The following NLGN3 variants were observed in gnomAD, a reference collection of about 807,000 sequenced individuals.
NLGN3 encodes neuroligin-3.
A neutral mutation model predicts 42.9 loss-of-function variants in NLGN3; 11 were observed. That is an observed-to-expected ratio of 0.26 (90% confidence interval 0.16 to 0.42). The LOEUF (loss-of-function observed/expected upper bound fraction) is 0.42, where lower values mean the gene tolerates loss of function less well. Among genes scored for constraint, NLGN3 ranks in the 10% least tolerant of loss-of-function variants. NLGN3 has a pLI of 1.00. For missense variants in NLGN3, 374 were observed against 733.8 expected (o/e 0.51, Z 5.67); for synonymous variants, 279 against 312.7 (o/e 0.89, Z 1.14).
chrX:71,154,062 G>C (rs771768293), intron 4 of NLGN3, among the ~76,000 whole-genome samples: 63 of 112,213 alleles, frequency 5.6e-4, no homozygotes, highest in African/African-American at 2.0e-3. Context: ...TTCTAGAAAA[G>C]AGAGAGATGG....
downstream of NLGN3, among the ~76,000 whole-genome samples, chrX:71,172,399 C>T (rs569243423): frequency 9.0e-6 from 1 of 110,894 alleles, no homozygotes; most frequent in Middle Eastern, 4.7e-3. Flanking sequence ...CCAGAAAAGC[C>T]CGTCACAGTT....
At chrX:71,162,415 C>T (rs1285774886) in intron 5 of NLGN3, among the ~76,000 whole-genome samples, 2 of 111,822 alleles carry the variant, frequency 1.8e-5, no homozygotes, top group Non-Finnish European at 3.8e-5. Context: ...CAGGTGTGAG[C>T]CACCATGCCT....
In NLGN3 at chrX:71,170,265, G is replaced by T; in HGVS notation, c.*168G>T. On this transcript the variant is annotated 3_prime_UTR_variant, in exon 8 of 8. Transcript: ENST00000358741. ...CACCTGCACAAACATAGACAGATGT[G>T]GACATGCACCCGCATGTACAAAAAC... The T allele has an allele frequency of 1.8e-6, 2 of 1,132,415 alleles. No individual in the cohort carries two copies. Among genetic ancestry groups the T allele is most frequent in the Non-Finnish European group, 2.3e-6 (2 of 859,700 alleles). The allele number at this position is 1,132,415 out of a possible 1,213,427, so 93.3% of individuals were successfully genotyped here.
At position 71,169,884 on chromosome X, in the gene NLGN3, T is replaced by TC. The variant is rs760052938; in HGVS notation, c.2341dup (p.His781ProfsTer2). The TC allele has an allele frequency of 8.4e-7, 1 of 1,196,753 alleles. No homozygotes were observed. Among genetic ancestry groups the TC allele is most frequent in the Admixed American group, 2.3e-5 (1 of 44,206 alleles). On this transcript the variant is annotated frameshift_variant, in exon 8 of 8. Coordinates refer to ENST00000358741, the MANE Select transcript of NLGN3 (RefSeq NM_181303.2). LOFTEE classifies it high-confidence loss of function. Reference sequence around the variant, plus strand: ...CCACCCACCACGAGTGTGAGGCCGGTCCCCCCCATGACACGCTGCGCCTCA... The same window carrying TC: ...CCACCCACCACGAGTGTGAGGCCGGTCCCCCCCCATGACACGCTGCGCCTCA...
At chrX:71,166,185 G>A (rs2092446407) in intron 6 of NLGN3, among the ~76,000 whole-genome samples, 2 of 110,821 alleles carry the variant, frequency 1.8e-5, no homozygotes, top group African/African-American at 3.3e-5. Context: ...TGCCAGGCGC[G>A]GTGGCTCACG....
rs760762087 is a variant in NLGN3 at position 71,161,094 on chromosome X, C to A, written c.728-3049C>A. Among the ~76,000 whole-genome samples, 5 of 104,203 alleles carry A rather than the reference C, an allele frequency of 4.8e-5. No individual in the cohort carries two copies. The Admixed American group carries it at 5.4e-4, about 11-fold the overall frequency. The allele number at this position is 104,203 out of a possible 115,157, so 90.5% of individuals were successfully genotyped here. A position where few individuals can be genotyped will look rare whatever the true frequency, so the allele number is the denominator to read the frequency against. On this transcript the variant is annotated intron_variant, in intron 5 of 7. Transcript: ENST00000358741. ...CCTGAGCCTGTTGGAGATAGCATTTCTTTTTTCTTTTCTTTTCTTTCTTTT... is the reference window on the plus strand; with the variant it reads ...CCTGAGCCTGTTGGAGATAGCATTTATTTTTTCTTTTCTTTTCTTTCTTTT...
At position 71,167,818 on chromosome X, in the gene NLGN3, T is replaced by G. The variant is rs1172866618; in HGVS notation, c.1703+18T>G. ...AAGACTGGGTAAGGAGAAAATAGGG[T>G]TTTTTTCCTCTTTGAGACCCCAGCA... On this transcript the variant is annotated intron_variant, in intron 7 of 7. Coordinates refer to ENST00000358741, the MANE Select transcript of NLGN3 (RefSeq NM_181303.2). The G allele has an allele frequency of 3.4e-6, 4 of 1,187,916 alleles. No homozygotes were observed. Among genetic ancestry groups the G allele is most frequent in the South Asian group, 3.5e-5 (2 of 56,389 alleles).
rs370863612 is a variant in NLGN3 at position 71,169,499 on chromosome X, C to T, written c.1949C>T (p.Pro650Leu). ...TCCACCACCACCAAAGTGCCGCCTC[C>T]GGATACCACCCACAGCTCCCACATC... Reference protein sequence around the residue: ...YTSTTTKVPPPDTTHSSHITR... With the variant: ...YTSTTTKVPPLDTTHSSHITR... The change falls in exon 8 of 8, where the codon CCG (proline) becomes CTG (leucine). Residue 650 changes from proline to leucine, a missense_variant. By Grantham distance (98) the Pro-to-Leu change is moderately conservative. Coordinates refer to ENST00000358741, the MANE Select transcript of NLGN3 (RefSeq NM_181303.2). The T allele has an allele frequency of 1.9e-5, 23 of 1,210,240 alleles. No homozygotes were observed. The African/African-American group carries it at 2.4e-4, about 13-fold the overall frequency.
chrX:71,149,573 G>A (rs1463165846), intron 3 of NLGN3, among the ~76,000 whole-genome samples: 1 of 112,003 alleles, frequency 8.9e-6, no homozygotes, highest in African/African-American at 3.2e-5. Context: ...ATCACTTCAT[G>A]TTTTCTGTAA....
In NLGN3 at chrX:71,169,349, A is replaced by T. The variant is rs1298163924; in HGVS notation, c.1799A>T (p.Asp600Val). The change falls in exon 8 of 8, where the codon GAC (aspartate) becomes GTC (valine). Residue 600 changes from aspartate to valine, a missense_variant. Asp to Val is a radical substitution (Grantham distance 152, BLOSUM62 -3). Coordinates refer to ENST00000358741, the MANE Select transcript of NLGN3 (RefSeq NM_181303.2). Reference protein sequence around the residue: ...EVAWSKYNPRDQLYLHIGLKP... With the variant: ...EVAWSKYNPRVQLYLHIGLKP... ...GCCTGGTCCAAATACAATCCCCGAG[A>T]CCAGCTCTACCTTCACATCGGGCTG... The T allele has an allele frequency of 8.3e-7, 1 of 1,206,886 alleles. No homozygotes were observed.
chrX:71,153,346 C>G, intron 3 of NLGN3, 131 bp from the exon 4 acceptor site: 4 of 633,215 alleles, frequency 6.3e-6, no homozygotes, highest in Non-Finnish European at 7.8e-6. Flanking sequence ...TCTTGCCATC[C>G]CTCCTGCCTG....
chrX:71,171,787 C>A, downstream of NLGN3: 1 of 329,451 alleles, frequency 3.0e-6, no homozygotes, highest in East Asian at 2.1e-4. Flanking sequence ...AGCGATTTTT[C>A]TACAGGATTG....
intron 5 of NLGN3, among the ~76,000 whole-genome samples, chrX:71,156,518 G>A (rs976009073): frequency 1.3e-4 from 14 of 109,170 alleles, no homozygotes; most frequent in Middle Eastern, 4.7e-3. Flanking sequence ...GCATGCACGC[G>A]TATACATGCG....
At chrX:71,157,287 C>CTTATTTATTTATTTAT (rs397688201) in intron 5 of NLGN3, among the ~76,000 whole-genome samples, 5 of 99,886 alleles carry the variant, frequency 5.0e-5, no homozygotes, top group Admixed American at 1.1e-4. Context: ...TTTTAATTTG[C>CTTATTTATTTATTTAT]TTATTTATTT....
At chrX:71,148,956 T>G in intron 3 of NLGN3, 51 bp downstream of exon 3, 1 of 783,002 alleles carries the variant, frequency 1.3e-6, no homozygotes. Context: ...GAGGGCTGCC[T>G]GCCCACCTGC....
At chrX:71,171,332 CG>C (rs2092470710), downstream of NLGN3, 1 of 29,681 alleles carries the variant, frequency 3.4e-5, no homozygotes, top group South Asian at 2.9e-3. Flanking sequence ...CTGCACTGTG[CG>C]GGGTTGGGGG....
chrX:71,171,150 T>G lies in NLGN3; in HGVS notation c.*1053T>G. Reference sequence around the variant, plus strand: ...CATGGAGTTTGTCCTTTGTAAAAATTTTAAACACAGTGTCTTGATATAAAA... The same window carrying G: ...CATGGAGTTTGTCCTTTGTAAAAATGTTAAACACAGTGTCTTGATATAAAA... On this transcript the variant is annotated 3_prime_UTR_variant, in exon 8 of 8. Coordinates refer to ENST00000358741, the MANE Select transcript of NLGN3 (RefSeq NM_181303.2). 1.3e-6 allele frequency: 1 copy of G among 752,981 alleles called. No homozygotes were observed. The highest frequency in any genetic ancestry group is 1.6e-6 in the Non-Finnish European group (1 of 638,493). The allele number at this position is 752,981 out of a possible 1,213,427, so 62.1% of individuals were successfully genotyped here.
In NLGN3 at chrX:71,148,093, C is replaced by T; in HGVS notation, c.344C>T (p.Pro115Leu). Residue 115 changes from proline (P) to leucine (L), a missense_variant, in exon 2 of 8, where the codon CCC becomes CTC. Pro to Leu is a moderately conservative substitution (Grantham distance 98). Transcript: ENST00000358741. Reference sequence around the variant, plus strand: ...CCCCAGAACATCCACACAGCTGTGCCCGAAGTCATGCTGCCGGTCTGGTTC... The same window carrying T: ...CCCCAGAACATCCACACAGCTGTGCTCGAAGTCATGCTGCCGGTCTGGTTC... ...VCPQNIHTAV[P>L]EVMLPVWFTA... is the part of the protein sequence containing the mutation. 1 of 1,210,691 alleles carries T rather than the reference C, an allele frequency of 8.3e-7. No individual in the cohort carries two copies. The highest frequency in any genetic ancestry group is 1.1e-6 in the Non-Finnish European group (1 of 894,784).
chrX:71,155,115 C>A, intron 4 of NLGN3, 99 bp from the exon 5 acceptor site: 1 of 1,003,244 alleles, frequency 1.0e-6, no homozygotes, highest in Non-Finnish European at 1.4e-6. Context: ...GTCCTGGCAC[C>A]TGGGATAGCT....
Sources: gnomAD v4.1 joint callset for allele counts (sites outside exome capture counted in the v4.1 genomes callset) on GRCh38, gnomAD v4.1.1 for gene constraint, MANE v1.5 for transcripts, NCBI Gene and HGNC (gene_info 2026-07-23, HGNC 2026-07-21) for gene names.